Variants in PIGL observed in about 807,000 individuals in gnomAD.
The protein encoded by PIGL is phosphatidylinositol glycan anchor biosynthesis class L.
A neutral mutation model predicts 31.1 loss-of-function variants in PIGL; 22 were observed. That is an observed-to-expected ratio of 0.71 (90% CI 0.51 to 1.01). PIGL has a LOEUF of 1.01. PIGL is among the 50% of genes least tolerant of loss of function. The pLI is 0.00. For missense variants in PIGL, 302 were observed against 315.9 expected, an observed-to-expected ratio of 0.96 and a Z score of 0.33; for synonymous variants, 131 against 117.4, an observed-to-expected ratio of 1.12 and a Z score of -0.75.
At chr17:16,244,576 T>C (rs1024828338) in intron 2 of PIGL, among the ~76,000 whole-genome samples, 2 of 152,246 alleles carry the variant, frequency 1.3e-5, no homozygotes, top group Non-Finnish European at 2.9e-5. Flanking sequence ...TTTACTCTGA[T>C]AGAAAGCAAT....
chr17:16,324,698 T>C (rs1178813581), intron 6 of PIGL, among the ~76,000 whole-genome samples: 7 of 152,162 alleles, frequency 4.6e-5, no homozygotes, highest in African/African-American at 1.7e-4. Flanking sequence ...AAGGGGTTAT[T>C]TACATAAAAG....
chr17:16,294,422 C>T (rs1403977426), intron 2 of PIGL, among the ~76,000 whole-genome samples: 2 of 152,180 alleles, frequency 1.3e-5, no homozygotes, highest in African/African-American at 4.8e-5. Context: ...AGCCTTGAAT[C>T]CTGCTTGCCC....
intron 2 of PIGL, among the ~76,000 whole-genome samples, chr17:16,246,004 T>A (rs1414171701): frequency 6.6e-6 from 1 of 151,022 alleles, no homozygotes; most frequent in East Asian, 2.0e-4. Context: ...TTTGTGTTTT[T>A]AGTAGAGACG....
At chr17:16,249,110 G>C (rs1382070672) in intron 2 of PIGL, among the ~76,000 whole-genome samples, 2 of 152,184 alleles carry the variant, frequency 1.3e-5, no homozygotes, top group African/African-American at 4.8e-5. Context: ...TGTGGTTTCG[G>C]TTACCTGCAG....
At chr17:16,247,840 A>G (rs189793485) in intron 2 of PIGL, among the ~76,000 whole-genome samples, 35 of 152,026 alleles carry the variant, frequency 2.3e-4, no homozygotes, top group Admixed American at 1.4e-3. Flanking sequence ...ACCTCATCAA[A>G]TGGTTGTTCA....
intron 2 of PIGL, among the ~76,000 whole-genome samples, chr17:16,267,376 G>A (rs2092848845): frequency 2.0e-5 from 3 of 152,070 alleles, no homozygotes; most frequent in Non-Finnish European, 2.9e-5. Flanking sequence ...ATGGGGAGGC[G>A]GAAGAGGTGG....
chr17:16,276,867 A>G (rs113949964), intron 2 of PIGL, among the ~76,000 whole-genome samples: 88 of 152,340 alleles, frequency 5.8e-4, no homozygotes, highest in African/African-American at 2.0e-3. Flanking sequence ...TTGCTTTGTT[A>G]TACTTGGCCT....
At chr17:16,231,147 A>G (rs988175197) in intron 1 of PIGL, among the ~76,000 whole-genome samples, 5 of 139,422 alleles carry the variant, frequency 3.6e-5, no homozygotes, top group Non-Finnish European at 7.6e-5. Flanking sequence ...GGCCTTAAAC[A>G]GTGTGCCCGC....
chr17:16,259,530 A>G, intron 2 of PIGL, among the ~76,000 whole-genome samples: 1 of 152,180 alleles, frequency 6.6e-6, no homozygotes, highest in East Asian at 1.9e-4. Context: ...AAAAGAAAGA[A>G]AGAAAAAAGA....
In PIGL at chr17:16,238,934, G is replaced by T. The variant is rs1299991258; in HGVS notation, c.335+4864G>T. ...CAAAAAAAAAAAAAAAAAAAGACGGGGTTTCGCCATGTTGGCCAGGTTGGT... is the reference window on the plus strand; with the variant it reads ...CAAAAAAAAAAAAAAAAAAAGACGGTGTTTCGCCATGTTGGCCAGGTTGGT... On this transcript the variant is annotated intron_variant, in intron 2 of 6. Transcript: ENST00000225609. Among the ~76,000 whole-genome samples, 3 of 146,420 alleles carry T rather than the reference G, an allele frequency of 2.0e-5. No homozygotes were observed. In the East Asian group the frequency reaches 6.6e-4, roughly 32 times the overall value.
intron 3 of PIGL, among the ~76,000 whole-genome samples, chr17:16,307,751 G>A (rs1486945804): frequency 6.6e-6 from 1 of 152,070 alleles, no homozygotes; most frequent in East Asian, 1.9e-4. Context: ...AGGATCGCTT[G>A]ACCCCAGGAG....
At chr17:16,325,572 C>T (rs921183318) in intron 6 of PIGL, among the ~76,000 whole-genome samples, 2 of 152,042 alleles carry the variant, frequency 1.3e-5, no homozygotes, top group Admixed American at 6.6e-5. Context: ...GCTGTAGCTA[C>T]GGTGAGCATT....
Position 16,234,058 on chromosome 17 carries a change from T to C in PIGL, c.323T>C (p.Ile108Thr). ...GGGATTCCACTCTCCAGTGTAATGA[T>C]TATTGACAACAGGTAATATATCTTT... ...VLGIPLSSVM[I>T]IDNRDFPDDP... The change falls in exon 2 of 7, where the codon ATT becomes ACT. Residue 108 changes from isoleucine to threonine, a missense_variant. Ile to Thr is a moderately conservative substitution (Grantham distance 89). Coordinates refer to ENST00000225609, the MANE Select transcript of PIGL (RefSeq NM_004278.4). 6.4e-7 allele frequency: 1 copy of C among 1,564,632 alleles called. No homozygotes were observed. The highest frequency in any genetic ancestry group is 8.8e-7 in the Non-Finnish European group (1 of 1,135,466).
At chr17:16,265,592 T>C (rs1156524327) in intron 2 of PIGL, among the ~76,000 whole-genome samples, 1 of 151,760 alleles carries the variant, frequency 6.6e-6, no homozygotes, top group Non-Finnish European at 1.5e-5. Context: ...ATACAAAAAT[T>C]AGCTGGGAAT....
Position 16,217,234 on chromosome 17 carries a change from C to G in PIGL, c.8C>G (p.Ala3Gly), listed in dbSNP as rs765034338. 1.2e-6 allele frequency: 2 copies of G among 1,613,868 alleles called. No homozygotes were observed. Among genetic ancestry groups the G allele is most frequent in the African/African-American group, 2.7e-5 (2 of 74,926 alleles). Residue 3 changes from alanine to glycine, a missense_variant, in exon 1 of 7, where the codon GCA becomes GGA. Coordinates refer to ENST00000225609, the MANE Select transcript of PIGL (RefSeq NM_004278.4). ...CAGTGCTGCTTACCCATCATGGAAG[C>G]AATGTGGCTCCTGTGTGTGGCGTTG... ME[A>G]MWLLCVALAV...
chr17:16,233,732 T>C (rs1275132789), intron 1 of PIGL, among the ~76,000 whole-genome samples: 1 of 152,122 alleles, frequency 6.6e-6, no homozygotes, highest in African/African-American at 2.4e-5. Flanking sequence ...GACAGACAGA[T>C]AGGTATATAG....
At chr17:16,233,231 G>T (rs887118196) in intron 1 of PIGL, among the ~76,000 whole-genome samples, 1 of 152,128 alleles carries the variant, frequency 6.6e-6, no homozygotes, top group Non-Finnish European at 1.5e-5. Flanking sequence ...AGTAACAGGT[G>T]CATTAGCTGG....
At chr17:16,288,923 C>G (rs1027770956) in intron 2 of PIGL, among the ~76,000 whole-genome samples, 1 of 152,216 alleles carries the variant, frequency 6.6e-6, no homozygotes, top group Non-Finnish European at 1.5e-5. Context: ...GCCTTTTATT[C>G]TCAGTTCTCT....
intron 1 of PIGL, among the ~76,000 whole-genome samples, chr17:16,232,256 C>G (rs754103728): frequency 1.3e-5 from 2 of 151,664 alleles, no homozygotes; most frequent in Non-Finnish European, 2.9e-5. Flanking sequence ...CCAGCCTGGG[C>G]AACAAGAGCA....
Sources: gnomAD v4.1 joint callset for allele counts (sites outside exome capture counted in the v4.1 genomes callset) on GRCh38, gnomAD v4.1.1 for gene constraint, MANE v1.5 for transcripts, NCBI Gene and HGNC (gene_info 2026-07-23, HGNC 2026-07-21) for gene names.